The following METTL16 variants were observed in gnomAD, a reference collection of about 807,000 sequenced individuals.
METTL16 encodes the protein methyltransferase 16, RNA N6-adenosine.
Under a neutral mutation model 57.9 loss-of-function variants are expected in METTL16, and 19 were observed. The ratio of observed to expected loss-of-function variants is 0.33; its 90% CI spans 0.23 to 0.48. The LOEUF is 0.48. Among genes scored for constraint, METTL16 ranks in the 20% least tolerant of loss-of-function variants. The pLI, the probability that METTL16 is intolerant of heterozygous loss-of-function variation, is 0.99. For synonymous variants in METTL16, 246 were observed against 255.6 expected, an observed-to-expected ratio of 0.96 and a Z score of 0.36; for missense variants, 434 against 691.5, an observed-to-expected ratio of 0.63 and a Z score of 4.18.
intron 5 of METTL16, among the ~76,000 whole-genome samples, chr17:2,466,200 A>C (rs370786042): frequency 0.26 from 38,681 of 149,630 alleles, 5,468 homozygotes; most frequent in African/African-American, 0.34. Context: ...TCACAAAAAA[A>C]AAAAAAAAAA....
chr17:2,469,855 T>C (rs1232269003), intron 4 of METTL16, among the ~76,000 whole-genome samples: 3 of 152,166 alleles, frequency 2.0e-5, no homozygotes, highest in African/African-American at 7.2e-5. Context: ...TATAGTTTAA[T>C]CAACAGTAGG....
chr17:2,502,404 C>T lies in METTL16; in HGVS notation c.1-73G>A, dbSNP rs1221536512. ...CATTAATGGGGGCCGGGTGCGGTGC[C>T]TCATGCCTCTAATCCCAGTACTTTG... On this transcript the variant is annotated intron_variant, in intron 1 of 9. Transcript: ENST00000263092. The T allele has an allele frequency of 1.2e-5, 17 of 1,452,208 alleles. No individual in the cohort carries two copies. In the East Asian group the frequency reaches 3.2e-4, roughly 27 times the overall value. 90.0% of individuals were successfully genotyped at this position (1,452,208 alleles called of 1,614,324 possible). A position where few individuals can be genotyped will look rare whatever the true frequency, so the allele number is the denominator to read the frequency against.
At chr17:2,445,267 CA>C (rs2066986736) in intron 6 of METTL16, among the ~76,000 whole-genome samples, 2 of 152,134 alleles carry the variant, frequency 1.3e-5, no homozygotes, top group African/African-American at 4.8e-5. Context: ...ACATGCCGTA[CA>C]GGTTTGTAGC....
At chr17:2,454,055 TC>T (rs1174244670) in intron 6 of METTL16, among the ~76,000 whole-genome samples, 1 of 152,190 alleles carries the variant, frequency 6.6e-6, no homozygotes, top group Non-Finnish European at 1.5e-5. Flanking sequence ...ATCTTGAAAC[TC>T]ATGTTGTCCC....
chr17:2,467,809 G>C lies in METTL16; in HGVS notation c.537C>G (p.Asp179Glu). The C allele has an allele frequency of 6.2e-7, 1 of 1,614,190 alleles. No homozygotes were observed. The highest frequency in any genetic ancestry group is 8.5e-7 in the Non-Finnish European group (1 of 1,180,028). Residue 179 changes from aspartate (D) to glutamate (E), a missense_variant, in exon 5 of 10, where the codon GAC becomes GAG. Coordinates refer to ENST00000263092, the MANE Select transcript of METTL16 (RefSeq NM_024086.4). ...AAAAGGGAGGGTTGCACATGCAAAA[G>C]TCATAGATTATCTCAGATTCTTCTT... is the stretch of plus-strand genomic sequence containing the variant. ...ALKEESEIIY[D>E]FCMCNPPFFA...
intron 3 of METTL16, chr17:2,475,400 C>G (rs1033813106): frequency 2.6e-5 from 4 of 152,128 alleles, no homozygotes; most frequent in Non-Finnish European, 5.9e-5. Context: ...GCCAAACACA[C>G]ACACAGTAAG....
intron 2 of METTL16, among the ~76,000 whole-genome samples, chr17:2,491,993 C>T (rs554530434): frequency 6.1e-4 from 93 of 151,354 alleles, no homozygotes; most frequent in African/African-American, 2.2e-3. Flanking sequence ...TGACGGATCA[C>T]GAGGTCAGGA....
intron 6 of METTL16, among the ~76,000 whole-genome samples, chr17:2,442,313 ATT>A (rs1410763664): frequency 6.6e-6 from 1 of 152,206 alleles, no homozygotes; most frequent in East Asian, 1.9e-4. Flanking sequence ...GTGAGCCTGC[ATT>A]TGCTAGAGCT....
At chr17:2,461,761 T>C (rs2067151689) in intron 6 of METTL16, among the ~76,000 whole-genome samples, 1 of 152,086 alleles carries the variant, frequency 6.6e-6, no homozygotes, top group Non-Finnish European at 1.5e-5. Context: ...TATTTTTTAC[T>C]AGAGACGGGG....
chr17:2,431,601 C>T (rs1398704325), intron 8 of METTL16, among the ~76,000 whole-genome samples: 6 of 152,036 alleles, frequency 3.9e-5, no homozygotes, highest in African/African-American at 1.4e-4. Context: ...ATGAGAGGAT[C>T]GGCAATTGCT....
At chr17:2,429,198 C>CT (rs55994674) in intron 8 of METTL16, among the ~76,000 whole-genome samples, 4,027 of 120,332 alleles carry the variant, frequency 0.033, 290 homozygotes, top group African/African-American at 0.11. Flanking sequence ...AAGAATGAAA[C>CT]TTTTTTTTTT....
rs1035351962 is a variant in METTL16, at chr17:2,487,286, G to A, written c.129-9401C>T. 2.6e-5 allele frequency among the ~76,000 whole-genome samples: 4 copies of A among 152,304 alleles called. 1 individual carries two copies. Among genetic ancestry groups the A allele is most frequent in the South Asian group, 4.1e-4 (2 of 4,824 alleles). ...TGAGCTGCATCTGAGACATTTAAGCGGAGATGGAGCCCAGAGAAGAGGTGT... is the reference window on the plus strand; with the variant it reads ...TGAGCTGCATCTGAGACATTTAAGCAGAGATGGAGCCCAGAGAAGAGGTGT... On this transcript the variant is annotated intron_variant, in intron 2 of 9. Coordinates refer to ENST00000263092, the MANE Select transcript of METTL16 (RefSeq NM_024086.4).
intron 6 of METTL16, among the ~76,000 whole-genome samples, chr17:2,444,947 C>T (rs962035300): frequency 3.9e-5 from 6 of 152,084 alleles, no homozygotes; most frequent in African/African-American, 1.2e-4. Flanking sequence ...AACTCCTGAC[C>T]TCAGGTGTTC....
chr17:2,437,989 G>T (rs968049329), intron 8 of METTL16, 120 bp downstream of exon 8: 1 of 752,652 alleles, frequency 1.3e-6, no homozygotes, highest in Non-Finnish European at 2.4e-6. Flanking sequence ...TTTCCATTCT[G>T]ACATAAGCAT....
intron 8 of METTL16, among the ~76,000 whole-genome samples, chr17:2,424,969 T>C (rs1010834551): frequency 1.3e-5 from 2 of 151,372 alleles, no homozygotes; most frequent in African/African-American, 4.9e-5. Context: ...AAAAGACAGA[T>C]AATTCATACT....
At chr17:2,429,517 G>A (rs940011138) in intron 8 of METTL16, among the ~76,000 whole-genome samples, 6 of 150,654 alleles carry the variant, frequency 4.0e-5, no homozygotes, top group Admixed American at 6.7e-5. Flanking sequence ...GGCTTTACTA[G>A]ATGAACTGTA....
rs2067382002 is a variant in METTL16, at chr17:2,490,838, C to A, written c.128+11366G>T. 2.0e-5 allele frequency among the ~76,000 whole-genome samples: 3 copies of A among 152,014 alleles called. No homozygotes were observed. The South Asian group carries it at 6.2e-4, about 32-fold the overall frequency. Reference sequence around the variant, plus strand: ...GCTTACATAAACAATTCTTGTTATTCAAATATATATATATATTCAACTTAC... The same window carrying A: ...GCTTACATAAACAATTCTTGTTATTAAAATATATATATATATTCAACTTAC... On this transcript the variant is annotated intron_variant, in intron 2 of 9. Coordinates refer to ENST00000263092, the MANE Select transcript of METTL16 (RefSeq NM_024086.4).
intron 2 of METTL16, among the ~76,000 whole-genome samples, chr17:2,491,840 A>C (rs889432861): frequency 7.2e-6 from 1 of 138,390 alleles, no homozygotes; most frequent in African/African-American, 2.8e-5. Context: ...GCGCCACTGC[A>C]CTCCAGCCTG....
intron 8 of METTL16, among the ~76,000 whole-genome samples, chr17:2,429,860 G>A (rs961344307): frequency 2.0e-5 from 3 of 151,842 alleles, no homozygotes; most frequent in Admixed American, 6.6e-5. Flanking sequence ...GCCCAGGCTG[G>A]AGTGCAGTGG....
Sources: allele counts gnomAD v4.1 joint callset (sites outside exome capture counted in the v4.1 genomes callset), GRCh38; gene constraint gnomAD v4.1.1; transcripts MANE v1.5; gene names NCBI Gene and HGNC (gene_info 2026-07-23, HGNC 2026-07-21).